Variants in NPHP4 observed in about 807,000 individuals in gnomAD.
NPHP4 encodes the protein nephrocystin-4.
In NPHP4, 151 loss-of-function variants were observed where a neutral mutation model predicts 155.8. The observed-to-expected ratio is 0.97, with a 90% CI of 0.85 to 1.11. NPHP4 has a LOEUF of 1.11. Ranked by LOEUF, NPHP4 falls within the 50% of genes least tolerant of loss-of-function variation. The pLI is 0.00. For synonymous variants in NPHP4, 845 were observed against 816.8 expected (o/e 1.03, Z -0.59); for missense variants, 1,956 against 1,925.7 (o/e 1.02, Z -0.29).
intron 2 of NPHP4, among the ~76,000 whole-genome samples, chr1:5,981,467 G>T (rs559772083): frequency 3.9e-5 from 6 of 152,066 alleles, no homozygotes; most frequent in Admixed American, 3.9e-4. Context: ...AATGATCATG[G>T]TAAAATTAAA....
Position 5,890,383 on chromosome 1 carries a change from T to C in NPHP4, c.2304+485A>G, listed in dbSNP as rs1309862006. On this transcript the variant is annotated intron_variant, in intron 17 of 29. Coordinates refer to ENST00000378156, the MANE Select transcript of NPHP4 (RefSeq NM_015102.5). This position sits in a 1 kb window ranked among gnomAD's most constrained non-coding sequence, Gnocchi z 4.9. ...TGAAAGAATCCATGGATTTAGGTTT[T>C]AGTATACAAGGAGAATGGAAAAGGA... 1.3e-5 allele frequency among the ~76,000 whole-genome samples: 2 copies of C among 152,136 alleles called. No individual in the cohort carries two copies. Among genetic ancestry groups the C allele is most frequent in the Non-Finnish European group, 2.9e-5 (2 of 68,016 alleles).
chr1:5,933,054 A>T, intron 10 of NPHP4, 93 bp downstream of exon 10: 2 of 1,030,072 alleles, frequency 1.9e-6, no homozygotes, highest in Non-Finnish European at 1.4e-6. Flanking sequence ...TAAATGAAAC[A>T]TCTGCAAACA....
chr1:5,911,546 C>T (rs987111568), intron 11 of NPHP4, among the ~76,000 whole-genome samples: 1 of 152,200 alleles, frequency 6.6e-6, no homozygotes, highest in East Asian at 1.9e-4. Context: ...ATTTCCCCAT[C>T]GTCTCAAATT....
chr1:5,964,933 A>T (rs1262407070), intron 5 of NPHP4, among the ~76,000 whole-genome samples: 297 of 23,730 alleles, frequency 0.013, 3 homozygotes, highest in African/African-American at 0.05. Flanking sequence ...ATATATATAT[A>T]TATATATATT....
intron 3 of NPHP4, among the ~76,000 whole-genome samples, chr1:5,977,825 T>C (rs1043066693): frequency 2.0e-4 from 4 of 19,516 alleles, no homozygotes; most frequent in Admixed American, 6.3e-4. Flanking sequence ...TAAATCTTAG[T>C]TTGTCTATAC....
chr1:5,971,883 G>A (rs1652637282), intron 3 of NPHP4, among the ~76,000 whole-genome samples: 1 of 152,356 alleles, frequency 6.6e-6, no homozygotes, highest in Non-Finnish European at 1.5e-5. Flanking sequence ...CCCCTGCCTC[G>A]CAGCTCACTT....
intron 5 of NPHP4, among the ~76,000 whole-genome samples, chr1:5,966,578 C>A (rs1651540147): frequency 6.6e-6 from 1 of 152,142 alleles, no homozygotes; most frequent in African/African-American, 2.4e-5. Context: ...CCACGAGGCA[C>A]ACATGACATC....
In NPHP4 at chr1:5,874,546, G is replaced by A; in HGVS notation, c.3156C>T (p.Tyr1052=). The change falls in exon 22 of 30, where the codon TAC becomes TAT. Residue 1052 remains tyrosine (Y), a synonymous_variant. Transcript: ENST00000378156. ...HLRGSLAPQL[Y]LRPHETAHVP... Reference sequence around the variant, plus strand: ...CGTGGGCGGTCTCGTGGGGGCGCAGGTAGAGCTGGGGGGCCAGGCTGCCAC... The same window carrying A: ...CGTGGGCGGTCTCGTGGGGGCGCAGATAGAGCTGGGGGGCCAGGCTGCCAC... The A allele has an allele frequency of 6.2e-7, 1 of 1,602,534 alleles. No homozygotes were observed. Among genetic ancestry groups the A allele is most frequent in the Non-Finnish European group, 8.5e-7 (1 of 1,175,238 alleles).
chr1:5,947,811 C>A (rs192170227), intron 8 of NPHP4, among the ~76,000 whole-genome samples: 1 of 152,284 alleles, frequency 6.6e-6, no homozygotes, highest in East Asian at 1.9e-4. Context: ...CCTCCGTAGA[C>A]CCTCAGCAGC....
chr1:5,975,423 C>T (rs1653373603), intron 3 of NPHP4, among the ~76,000 whole-genome samples: 1 of 152,230 alleles, frequency 6.6e-6, no homozygotes, highest in African/African-American at 2.4e-5. Flanking sequence ...GGGGCTTCAG[C>T]ATCACCCTCA....
intron 10 of NPHP4, among the ~76,000 whole-genome samples, chr1:5,929,398 C>T (rs1274421062): frequency 6.6e-6 from 1 of 152,152 alleles, no homozygotes; most frequent in Non-Finnish European, 1.5e-5. Flanking sequence ...GGAAAGCAAT[C>T]AGTCTTTCAC....
intron 19 of NPHP4, 32 bp downstream of exon 19, chr1:5,880,082 A>ACC: frequency 6.2e-7 from 1 of 1,611,906 alleles, no homozygotes; most frequent in South Asian, 1.1e-5. Flanking sequence ...CTCACGACCC[A>ACC]CCCACACATG....
At chr1:5,863,821 C>A (rs1640892553) in intron 29 of NPHP4, 69 bp downstream of exon 29, 4 of 1,527,934 alleles carry the variant, frequency 2.6e-6, no homozygotes, top group African/African-American at 1.4e-5. Flanking sequence ...CTCCTAAATG[C>A]AGGCTAACTG....
chr1:5,928,266 G>A lies in NPHP4; in HGVS notation c.1303-479C>T, dbSNP rs75431505. 7.9e-3 allele frequency among the ~76,000 whole-genome samples: 1,197 copies of A among 152,258 alleles called. 11 individuals carry two copies. Among genetic ancestry groups the A allele is most frequent in the Middle Eastern group, 0.024 (7 of 294 alleles). On this transcript the variant is annotated intron_variant, in intron 10 of 29. Transcript: ENST00000378156. ...ACTGCTTCCCCAGCACTGTCATTTCGTCTTTTTGAGAATGTCAAAAAAATG... is the reference window on the plus strand; with the variant it reads ...ACTGCTTCCCCAGCACTGTCATTTCATCTTTTTGAGAATGTCAAAAAAATG...
chr1:5,952,831 C>A lies in NPHP4; in HGVS notation c.679G>T (p.Ala227Ser). Residue 227 changes from alanine to serine, a missense_variant, in exon 7 of 30, where the codon GCT (alanine) becomes TCT (serine). Ala to Ser is a moderately conservative substitution (Grantham distance 99). Transcript: ENST00000378156. ...LLPAHGESGDALRKPRLQKPI... is the reference protein window; with the variant it reads ...LLPAHGESGDSLRKPRLQKPI... ...TTCTGGAGGCGAGGCTTTCGGAGAG[C>A]GTCGCCTGAAACAGTGAGGGTGCGA... The A allele has an allele frequency of 1.9e-6, 3 of 1,599,292 alleles. No homozygotes were observed. Among genetic ancestry groups the A allele is most frequent in the Non-Finnish European group, 2.6e-6 (3 of 1,173,174 alleles).
chr1:5,933,295 C>G lies in NPHP4; in HGVS notation c.1154G>C (p.Cys385Ser), dbSNP rs1406903545. 2.5e-6 allele frequency: 4 copies of G among 1,613,484 alleles called. No homozygotes were observed. The highest frequency in any genetic ancestry group is 1.7e-4 in the Middle Eastern group (1 of 5,852). The change falls in exon 10 of 30, where the codon TGC (cysteine) becomes TCC (serine). Residue 385 changes from cysteine to serine, a missense_variant. Physicochemically the swap from Cys to Ser is moderately radical, Grantham distance 112. Transcript: ENST00000378156. ...AACAGCCCAGCGGACCATGTGCATG[C>G]ATGCCAGGTTGGACAGAGAGGTGAC... ...ASVTSLSNLA[C>S]MHMVRWAVWN...
At chr1:5,904,229 T>C (rs954310093) in intron 16 of NPHP4, among the ~76,000 whole-genome samples, 3 of 152,286 alleles carry the variant, frequency 2.0e-5, no homozygotes, top group Non-Finnish European at 1.5e-5. Flanking sequence ...CTTAAAAAAA[T>C]GTTATGAGGT....
At chr1:5,975,612 C>T (rs139821863) in intron 3 of NPHP4, among the ~76,000 whole-genome samples, 183 of 152,366 alleles carry the variant, frequency 1.2e-3, no homozygotes, top group African/African-American at 4.2e-3. Flanking sequence ...GGCTGAGCCA[C>T]GTGGCTCCCA....
rs1424654694 is a variant in NPHP4 at position 5,952,684 on chromosome 1, G to A, written c.810+16C>T. 14 of 1,146,816 alleles carry A rather than the reference G, an allele frequency of 1.2e-5. 1 individual carries two copies. Among genetic ancestry groups the A allele is most frequent in the East Asian group, 7.4e-5 (2 of 27,058 alleles). 71.0% of individuals were successfully genotyped at this position (1,146,816 alleles called of 1,614,324 possible). On this transcript the variant is annotated intron_variant, in intron 7 of 29. Coordinates refer to ENST00000378156, the MANE Select transcript of NPHP4 (RefSeq NM_015102.5). The stretch of plus-strand genomic sequence containing the variant: ...CTGGCCCCACCCTGCCCCCCATCAC[G>A]CTTCTGACTCCACACCTCCTGGAAG...
Sources: gnomAD v4.1 joint callset for allele counts (sites outside exome capture counted in the v4.1 genomes callset) on GRCh38, gnomAD v4.1.1 for gene constraint, Gnocchi (gnomAD v3.1) non-coding constraint, MANE v1.5 for transcripts, NCBI Gene and HGNC (gene_info 2026-07-23, HGNC 2026-07-21) for gene names.